TTC29: variants seen among roughly 807,000 people sequenced by gnomAD.
TTC29 encodes the protein tetratricopeptide repeat domain 29, also known as tetratricopeptide repeat protein 29.
Under a neutral mutation model 58.1 loss-of-function variants are expected in TTC29, and 49 were observed. The observed-to-expected ratio is 0.84, with a 90% CI of 0.67 to 1.07. The LOEUF is 1.07. Ranked by LOEUF, TTC29 falls within the 50% of genes least tolerant of loss-of-function variation. The probability of loss-of-function intolerance (pLI) is 0.00; values close to 1 mark genes in which losing one functional copy is unlikely to be tolerated. For missense variants in TTC29, 582 were observed against 555.6 expected (o/e 1.05, Z -0.48); for synonymous variants, 209 against 196.8 (o/e 1.06, Z -0.52).
At chr4:146,750,401 A>G (rs539037598) in intron 11 of TTC29, among the ~76,000 whole-genome samples, 1 of 152,360 alleles carries the variant, frequency 6.6e-6, no homozygotes, top group African/African-American at 2.4e-5. Context: ...CAGAAAATGT[A>G]CTAGTAGAGG....
intron 11 of TTC29, among the ~76,000 whole-genome samples, chr4:146,721,421 T>C (rs1358667116): frequency 6.6e-6 from 1 of 152,206 alleles, no homozygotes; most frequent in Non-Finnish European, 1.5e-5. Context: ...ATAATCACCA[T>C]TTCCTTGTAA....
At chr4:146,798,259 C>G (rs1174890545) in intron 11 of TTC29, among the ~76,000 whole-genome samples, 2 of 151,688 alleles carry the variant, frequency 1.3e-5, no homozygotes, top group Non-Finnish European at 2.9e-5. Context: ...AATCAGGAGC[C>G]CCAGGAACAG....
At chr4:146,892,141 G>A (rs1732412218) in intron 6 of TTC29, among the ~76,000 whole-genome samples, 1 of 152,106 alleles carries the variant, frequency 6.6e-6, no homozygotes, top group Admixed American at 6.6e-5. Context: ...CTGTTCTCAT[G>A]ATAGTGAGTG....
chr4:146,713,589 G>C (rs545757472), intron 11 of TTC29, among the ~76,000 whole-genome samples: 184 of 152,226 alleles, frequency 1.2e-3, no homozygotes, highest in Admixed American at 3.0e-3. Flanking sequence ...ACACTTTCAA[G>C]TTTGGATAGA....
chr4:146,879,922 G>A (rs1255736197), intron 6 of TTC29, among the ~76,000 whole-genome samples: 2 of 152,140 alleles, frequency 1.3e-5, no homozygotes, highest in Non-Finnish European at 2.9e-5. Context: ...TTATCATGGT[G>A]CACCAGGAAT....
intron 11 of TTC29, among the ~76,000 whole-genome samples, chr4:146,722,900 G>GT (rs1743477478): frequency 6.6e-6 from 1 of 152,066 alleles, no homozygotes; most frequent in Non-Finnish European, 1.5e-5. Flanking sequence ...GTTTTGCCAT[G>GT]TTGCCCAGGC....
chr4:146,779,950 C>G (rs545874544), intron 11 of TTC29, among the ~76,000 whole-genome samples: 72 of 152,078 alleles, frequency 4.7e-4, no homozygotes, highest in Non-Finnish European at 8.4e-4. Flanking sequence ...TTCAAATAAA[C>G]TTTTTGTTTT....
At chr4:146,918,468 G>C (rs1296660313) in intron 4 of TTC29, among the ~76,000 whole-genome samples, 1 of 151,014 alleles carries the variant, frequency 6.6e-6, no homozygotes, top group African/African-American at 2.4e-5. Context: ...GTGTAGAATG[G>C]GACAGAAATT....
intron 6 of TTC29, among the ~76,000 whole-genome samples, chr4:146,890,182 G>C (rs188570777): frequency 6.6e-6 from 1 of 152,264 alleles, no homozygotes; most frequent in African/African-American, 2.4e-5. Flanking sequence ...GAGGCTGAAA[G>C]TTCAAACTCA....
At chr4:146,944,957 C>G (rs1254463640) in intron 2 of TTC29, 74 bp downstream of exon 2, 1 of 152,140 alleles carries the variant, frequency 6.6e-6, no homozygotes, top group African/African-American at 2.4e-5. Flanking sequence ...TTCCTACCAG[C>G]TGACATTGAT....
At chr4:146,930,847 A>T (rs1735284391) in intron 4 of TTC29, among the ~76,000 whole-genome samples, 1 of 152,080 alleles carries the variant, frequency 6.6e-6, no homozygotes, top group Non-Finnish European at 1.5e-5. Context: ...GTCTCCTTTT[A>T]TCTTTTTTTA....
chr4:146,774,701 T>G (rs192171213), intron 11 of TTC29, among the ~76,000 whole-genome samples: 147 of 152,286 alleles, frequency 9.7e-4, no homozygotes, highest in African/African-American at 3.4e-3. Context: ...TCTGTTGTTT[T>G]GGGTGGACAG....
chr4:146,919,350 A>T (rs1438489179), intron 4 of TTC29, among the ~76,000 whole-genome samples: 1 of 151,136 alleles, frequency 6.6e-6, no homozygotes. Context: ...CTTAGCTTTT[A>T]AATTGAGTTA....
At chr4:146,908,739 T>A (rs547310718) in intron 5 of TTC29, among the ~76,000 whole-genome samples, 1 of 152,320 alleles carries the variant, frequency 6.6e-6, no homozygotes, top group Non-Finnish European at 1.5e-5. Context: ...TTAAACCTAA[T>A]GATAGGAACT....
chr4:146,844,739 A>C (rs1729061375), intron 8 of TTC29, among the ~76,000 whole-genome samples: 1 of 152,176 alleles, frequency 6.6e-6, no homozygotes, highest in African/African-American at 2.4e-5. Flanking sequence ...ATATTTTGCT[A>C]GGAAGCCTTG....
At chr4:146,844,919 A>G (rs1300974852) in intron 8 of TTC29, among the ~76,000 whole-genome samples, 1 of 152,186 alleles carries the variant, frequency 6.6e-6, no homozygotes, top group Non-Finnish European at 1.5e-5. Context: ...GCACTCAGAC[A>G]TAAAGGAACA....
In TTC29 at chr4:146,867,523, G is replaced by A. The variant is rs1356500833; in HGVS notation, c.860C>T (p.Ala287Val). The A allele has an allele frequency of 6.5e-7, 1 of 1,547,346 alleles. No homozygotes were observed. The highest frequency in any genetic ancestry group is 1.9e-5 in the Admixed American group (1 of 52,910). Residue 287 changes from alanine to valine, a missense_variant, in exon 8 of 13, where the codon GCT (alanine) becomes GTT (valine). Ala to Val is a moderately conservative substitution (Grantham distance 64). Transcript: ENST00000325106. ...TGTTAATGCTGTTTCATATTCCTCA[G>A]CAGCTAAGTGTGCTAAGCCCAAGTA... ...SYYLGLAHLA[A>V]EEYETALTVL...
In TTC29 at chr4:146,939,880, G is replaced by T; in HGVS notation, c.16C>A (p.Pro6Thr). Residue 6 changes from proline (P) to threonine (T), a missense_variant, in exon 3 of 13, where the codon CCA becomes ACA. Coordinates refer to ENST00000325106, the MANE Select transcript of TTC29 (RefSeq NM_031956.4). Reference sequence around the variant, plus strand: ...AGCTTCGGGCGTGTCATGGGCAGTGGGGGCAGGGTGGTCATTTCGGACTAC... The same window carrying T: ...AGCTTCGGGCGTGTCATGGGCAGTGTGGGCAGGGTGGTCATTTCGGACTAC... MTTLPPLPMTRPKLTA... is the reference protein window; with the variant it reads MTTLPTLPMTRPKLTA... 1 of 1,611,766 alleles carries T rather than the reference G, an allele frequency of 6.2e-7. No homozygotes were observed. Among genetic ancestry groups the T allele is most frequent in the East Asian group, 2.2e-5 (1 of 44,830 alleles).
chr4:146,797,074 T>C (rs777240496), intron 11 of TTC29, among the ~76,000 whole-genome samples: 5 of 152,168 alleles, frequency 3.3e-5, no homozygotes, highest in Non-Finnish European at 4.4e-5. Flanking sequence ...ATATGGATGC[T>C]AAAACAGTGA....
Sources: gnomAD v4.1 joint callset for allele counts (sites outside exome capture counted in the v4.1 genomes callset) on GRCh38, gnomAD v4.1.1 for gene constraint, MANE v1.5 for transcripts, NCBI Gene and HGNC (gene_info 2026-07-23, HGNC 2026-07-21) for gene names.